Variants in STPG2 observed in about 807,000 individuals in gnomAD.
STPG2 encodes sperm tail PG-rich repeat containing 2.
In STPG2, 56 loss-of-function variants were observed where a neutral mutation model predicts 54.2. The observed-to-expected ratio is 1.03, with a 90% CI of 0.83 to 1.29. The LOEUF (loss-of-function observed/expected upper bound fraction) is 1.29, where lower values mean the gene tolerates loss of function less well. Ranked by LOEUF, STPG2 falls within the 50% of genes most tolerant of loss-of-function variation. The pLI is 0.00. For missense variants in STPG2, 596 were observed against 544.9 expected (o/e 1.09, Z -0.93); for synonymous variants, 200 against 181.8 (o/e 1.10, Z -0.81).
At chr4:98,043,042 T>C (rs1042386496) in intron 5 of STPG2, among the ~76,000 whole-genome samples, 1 of 152,054 alleles carries the variant, frequency 6.6e-6, no homozygotes, top group Non-Finnish European at 1.5e-5. Context: ...ATTACAATGG[T>C]TATATCTTCC....
At chr4:97,783,562 A>G (rs183086610) in intron 9 of STPG2, among the ~76,000 whole-genome samples, 1 of 152,302 alleles carries the variant, frequency 6.6e-6, no homozygotes, top group African/African-American at 2.4e-5. Flanking sequence ...TGACCCAGCA[A>G]TCCCATTACT....
intron 5 of STPG2, among the ~76,000 whole-genome samples, chr4:98,025,180 T>C (rs11727235): frequency 0.39 from 60,016 of 152,148 alleles, 12,070 homozygotes; most frequent in Middle Eastern, 0.46. Flanking sequence ...AAGTAATTTA[T>C]ACAACAACTA....
chr4:97,773,975 C>T (rs373572251), intron 9 of STPG2, among the ~76,000 whole-genome samples: 8 of 148,576 alleles, frequency 5.4e-5, no homozygotes, highest in African/African-American at 2.0e-4. Context: ...CATGGCAAGA[C>T]TCTGCCTCTA....
intron 9 of STPG2, among the ~76,000 whole-genome samples, chr4:97,752,212 G>A (rs1405407327): frequency 1.3e-5 from 2 of 151,590 alleles, no homozygotes; most frequent in East Asian, 1.9e-4. Flanking sequence ...AAATTTTAGT[G>A]TACAGTTTCC....
At chr4:97,471,717 C>T (rs1014786210) in intron 4 of STPG2, among the ~76,000 whole-genome samples, 6 of 151,892 alleles carry the variant, frequency 4.0e-5, no homozygotes, top group Admixed American at 2.0e-4. Context: ...TTTAAGACAA[C>T]GTTTTAATGT....
At chr4:97,728,951 G>T (rs1724707159) in intron 9 of STPG2, among the ~76,000 whole-genome samples, 1 of 151,794 alleles carries the variant, frequency 6.6e-6, no homozygotes, top group African/African-American at 2.4e-5. Flanking sequence ...GATACAGAGA[G>T]ACAAAGAAAG....
chr4:98,037,423 G>T (rs1276893400), intron 5 of STPG2, among the ~76,000 whole-genome samples: 1 of 151,944 alleles, frequency 6.6e-6, no homozygotes, highest in African/African-American at 2.4e-5. Context: ...ACACTAATGA[G>T]TATTTTTTAA....
intron 8 of STPG2, among the ~76,000 whole-genome samples, chr4:97,842,613 T>C (rs765947747): frequency 6.6e-6 from 1 of 151,888 alleles, no homozygotes; most frequent in Non-Finnish European, 1.5e-5. Context: ...TGGATATAAT[T>C]GATAAGTTTG....
chr4:97,786,745 A>C (rs950254170), intron 9 of STPG2, among the ~76,000 whole-genome samples: 1 of 151,886 alleles, frequency 6.6e-6, no homozygotes, highest in Non-Finnish European at 1.5e-5. Flanking sequence ...TTGGTCACTT[A>C]GTAACCATCT....
intron 5 of STPG2, among the ~76,000 whole-genome samples, chr4:98,065,860 T>C (rs1476468181): frequency 6.6e-6 from 1 of 152,148 alleles, no homozygotes; most frequent in Non-Finnish European, 1.5e-5. Context: ...ACTAAGCTCA[T>C]TTCACTGTCA....
At chr4:97,539,622 T>C (rs936170137) in intron 4 of STPG2, among the ~76,000 whole-genome samples, 2 of 152,100 alleles carry the variant, frequency 1.3e-5, no homozygotes, top group Admixed American at 6.5e-5. Flanking sequence ...CTGTCAACAT[T>C]AGACAGATCA....
At chr4:97,712,426 C>A (rs914008211) in intron 10 of STPG2, among the ~76,000 whole-genome samples, 9 of 151,900 alleles carry the variant, frequency 5.9e-5, no homozygotes, top group Non-Finnish European at 1.3e-4. Flanking sequence ...AGCAAGTGAA[C>A]TTTAATATTT....
rs549661959 is a variant in STPG2, at chr4:97,866,859, G to A, written c.1045-25927C>T. On this transcript the variant is annotated intron_variant, in intron 8 of 10. Transcript: ENST00000295268. ...GGCAGGGTATCAGAATTTCTTTGCT[G>A]GGGAGAATAGATTAAAGGCAGTGTG... Among the ~76,000 whole-genome samples, 7 of 152,016 alleles carry A rather than the reference G, an allele frequency of 4.6e-5. No homozygotes were observed. In the East Asian group the frequency reaches 1.2e-3, roughly 25 times the overall value.
At chr4:97,634,184 C>G (rs916571038) in intron 10 of STPG2, among the ~76,000 whole-genome samples, 1 of 152,168 alleles carries the variant, frequency 6.6e-6, no homozygotes, top group Non-Finnish European at 1.5e-5. Context: ...GTCCCTGACC[C>G]CTGACCCCCG....
intron 4 of STPG2, among the ~76,000 whole-genome samples, chr4:97,513,838 CATG>C (rs561851679): frequency 4.8e-4 from 73 of 152,020 alleles, no homozygotes; most frequent in Non-Finnish European, 7.5e-4. Context: ...TGACAGTTTT[CATG>C]ATAAGAAACT....
chr4:97,949,807 T>G (rs1197050990), intron 7 of STPG2, among the ~76,000 whole-genome samples: 2 of 152,194 alleles, frequency 1.3e-5, no homozygotes, highest in African/African-American at 4.8e-5. Flanking sequence ...GCCTCATGGC[T>G]CTTAGAATTA....
At chr4:97,512,664 G>A (rs1376811415) in intron 4 of STPG2, among the ~76,000 whole-genome samples, 1 of 152,040 alleles carries the variant, frequency 6.6e-6, no homozygotes, top group African/African-American at 2.4e-5. Context: ...GGAGGAAGAA[G>A]AAGGAAGGGG....
intron 4 of STPG2, among the ~76,000 whole-genome samples, chr4:97,468,979 A>AT (rs1379828708): frequency 6.6e-6 from 1 of 152,082 alleles, no homozygotes; most frequent in Non-Finnish European, 1.5e-5. Context: ...AACCAAAATA[A>AT]AAAACACATA....
chr4:97,770,216 A>C (rs1726177832), intron 9 of STPG2, among the ~76,000 whole-genome samples: 1 of 152,206 alleles, frequency 6.6e-6, no homozygotes, highest in Non-Finnish European at 1.5e-5. Flanking sequence ...GTCTCAAAAA[A>C]TAAAATAAAA....
Sources: allele counts gnomAD v4.1 joint callset (sites outside exome capture counted in the v4.1 genomes callset), GRCh38; gene constraint gnomAD v4.1.1; transcripts MANE v1.5; gene names NCBI Gene and HGNC (gene_info 2026-07-23, HGNC 2026-07-21).